The following CDC73 variants were observed in gnomAD, a reference collection of about 807,000 sequenced individuals.
CDC73 encodes the protein cell division cycle 73.
CDC73 carries 21 observed loss-of-function variants against 83.7 expected under a neutral mutation model. The observed-to-expected ratio is 0.25, with a 90% CI of 0.18 to 0.36. The LOEUF is 0.36. Ranked by LOEUF, CDC73 falls within the 10% of genes least tolerant of loss-of-function variation. CDC73 has a pLI of 1.00. For missense variants in CDC73, 342 were observed against 653.3 expected (o/e 0.52, Z 5.19); for synonymous variants, 224 against 212.9 (o/e 1.05, Z -0.45).
chr1:193,181,583 GTA>G, intron 10 of CDC73: 2 of 1,537,418 alleles, frequency 1.3e-6, no homozygotes, highest in African/African-American at 2.8e-5. Flanking sequence ...TCCAGTAGTG[GTA>G]TATGAGAGAT....
At chr1:193,204,012 C>T (rs1433930114) in intron 11 of CDC73, among the ~76,000 whole-genome samples, 160 bp downstream of exon 11, 1 of 151,936 alleles carries the variant, frequency 6.6e-6, no homozygotes, top group African/African-American at 2.4e-5. Flanking sequence ...AAGCAGATCT[C>T]AAAACTGTGA....
At chr1:193,132,536 C>T in intron 3 of CDC73, among the ~76,000 whole-genome samples, 1 of 151,760 alleles carries the variant, frequency 6.6e-6, no homozygotes, top group Middle Eastern at 3.2e-3. Context: ...TGGTCTTGAA[C>T]TCTTGGGCTC....
At chr1:193,140,384 G>A (rs1675883891) in intron 6 of CDC73, among the ~76,000 whole-genome samples, 1 of 152,082 alleles carries the variant, frequency 6.6e-6, no homozygotes, top group African/African-American at 2.4e-5. Flanking sequence ...GGAGAAGTAC[G>A]GTAGTCCCCC....
At chr1:193,150,406 C>T (rs1676084879) in intron 9 of CDC73, 24 bp downstream of exon 9, 2 of 1,492,194 alleles carry the variant, frequency 1.3e-6, no homozygotes, top group East Asian at 2.3e-5. Flanking sequence ...TTCTTATCTT[C>T]CCCTTAGTGT....
At chr1:193,217,044 A>G (rs1276530447) in intron 13 of CDC73, among the ~76,000 whole-genome samples, 2 of 151,896 alleles carry the variant, frequency 1.3e-5, no homozygotes, top group Non-Finnish European at 2.9e-5. Context: ...AAGGATGTCC[A>G]CTCTCACCAC....
chr1:193,164,695 C>T (rs923442331), intron 10 of CDC73, among the ~76,000 whole-genome samples: 3 of 152,080 alleles, frequency 2.0e-5, no homozygotes, highest in African/African-American at 7.2e-5. Context: ...CCCTTGGGCA[C>T]TGCTTAGATA....
At chr1:193,162,240 AAT>A (rs1676343653) in intron 10 of CDC73, among the ~76,000 whole-genome samples, 29 of 122,920 alleles carry the variant, frequency 2.4e-4, no homozygotes, top group South Asian at 4.4e-4. Context: ...TATTGTATAT[AAT>A]ATATAATAAA....
At chr1:193,132,819 A>G (rs1483408525) in intron 3 of CDC73, among the ~76,000 whole-genome samples, 4 of 151,750 alleles carry the variant, frequency 2.6e-5, no homozygotes, top group African/African-American at 9.7e-5. Context: ...TTGGGGAAGC[A>G]CTTTAGAGCA....
At chr1:193,249,514 C>A (rs528576326) in intron 15 of CDC73, among the ~76,000 whole-genome samples, 2 of 151,954 alleles carry the variant, frequency 1.3e-5, no homozygotes, top group Non-Finnish European at 2.9e-5. Flanking sequence ...TATAGTCTTT[C>A]TTACTGTCCT....
intron 15 of CDC73, 77 bp downstream of exon 15, chr1:193,236,433 C>G (rs746555581): frequency 7.6e-6 from 7 of 918,136 alleles, no homozygotes; most frequent in Non-Finnish European, 1.3e-5. Flanking sequence ...TCATATAGTT[C>G]TGCGCATATG....
At chr1:193,148,976 C>T (rs949251512) in intron 8 of CDC73, among the ~76,000 whole-genome samples, 2 of 152,012 alleles carry the variant, frequency 1.3e-5, no homozygotes, top group African/African-American at 4.8e-5. Context: ...TATTAGAGTA[C>T]TAATACAGCC....
intron 10 of CDC73, among the ~76,000 whole-genome samples, chr1:193,154,592 A>G (rs552473069): frequency 1.3e-5 from 2 of 152,376 alleles, no homozygotes; most frequent in East Asian, 3.9e-4. Flanking sequence ...GGAATGCAAC[A>G]GAAAGACTAA....
intron 10 of CDC73, chr1:193,181,143 A>G: frequency 6.2e-7 from 1 of 1,613,966 alleles, no homozygotes; most frequent in Non-Finnish European, 8.5e-7. Context: ...CAGGCTCATT[A>G]ATAATATATT....
intron 10 of CDC73, among the ~76,000 whole-genome samples, chr1:193,192,828 C>G (rs1000139394): frequency 6.6e-6 from 1 of 152,320 alleles, no homozygotes; most frequent in South Asian, 2.1e-4. Flanking sequence ...TTAATCTGGT[C>G]ACCCTCCGCT....
At chr1:193,203,997 T>G (rs1050454843) in intron 11 of CDC73, 145 bp downstream of exon 11, 8 of 703,376 alleles carry the variant, frequency 1.1e-5, no homozygotes, top group Non-Finnish European at 1.8e-5. Flanking sequence ...CTGTCGATAC[T>G]GTTTAAGCAG....
chr1:193,208,156 A>G (rs1433446122), intron 11 of CDC73, among the ~76,000 whole-genome samples: 3 of 152,166 alleles, frequency 2.0e-5, no homozygotes, highest in Admixed American at 1.3e-4. Context: ...TTTATTCATC[A>G]CATTTCCTTA....
chr1:193,192,375 G>A (rs530122723), intron 10 of CDC73, among the ~76,000 whole-genome samples: 11 of 152,226 alleles, frequency 7.2e-5, no homozygotes, highest in South Asian at 6.2e-4. Flanking sequence ...CCTGGGAGGC[G>A]GAAATTGCAG....
intron 13 of CDC73, among the ~76,000 whole-genome samples, chr1:193,212,776 G>A (rs1003027529): frequency 6.6e-5 from 10 of 152,098 alleles, no homozygotes; most frequent in African/African-American, 2.4e-4. Flanking sequence ...GCTTGAGGAA[G>A]TTCTAAAGCA....
chr1:193,189,426 C>A (rs1280918094), intron 10 of CDC73, among the ~76,000 whole-genome samples: 1 of 152,108 alleles, frequency 6.6e-6, no homozygotes, highest in Non-Finnish European at 1.5e-5. Context: ...GAAGTTCTTC[C>A]TTTAGTCTAG....
Sources: allele counts gnomAD v4.1 joint callset (sites outside exome capture counted in the v4.1 genomes callset), GRCh38; gene constraint gnomAD v4.1.1; transcripts MANE v1.5; gene names NCBI Gene and HGNC (gene_info 2026-07-23, HGNC 2026-07-21).